PSTPIP2: variants seen among roughly 807,000 people sequenced by gnomAD.
The protein encoded by PSTPIP2 is proline-serine-threonine phosphatase interacting protein 2, also known as proline-serine-threonine phosphatase-interacting protein 2.
PSTPIP2 carries 33 observed loss-of-function variants against 63.3 expected under a neutral mutation model. The ratio of observed to expected loss-of-function variants is 0.52; its 90% CI spans 0.40 to 0.70. PSTPIP2 has a LOEUF of 0.70. Among genes scored for constraint, PSTPIP2 ranks in the 30% least tolerant of loss-of-function variants. The pLI, the probability that PSTPIP2 is intolerant of heterozygous loss-of-function variation, is 0.00. For missense variants in PSTPIP2, 312 were observed against 400.7 expected, an observed-to-expected ratio of 0.78 and a Z score of 1.89; for synonymous variants, 125 against 132.7, an observed-to-expected ratio of 0.94 and a Z score of 0.40.
intron 4 of PSTPIP2, among the ~76,000 whole-genome samples, chr18:46,013,026 G>T (rs538068436): frequency 6.6e-6 from 1 of 151,856 alleles, no homozygotes; most frequent in South Asian, 2.1e-4. Flanking sequence ...GAAAATTCCA[G>T]TGCTTACTAT....
At chr18:45,999,800 A>C (rs1412576668) in intron 6 of PSTPIP2, among the ~76,000 whole-genome samples, 1 of 152,202 alleles carries the variant, frequency 6.6e-6, no homozygotes, top group Non-Finnish European at 1.5e-5. Flanking sequence ...CATAAAGTAC[A>C]TGAGCTTTAA....
intron 3 of PSTPIP2, among the ~76,000 whole-genome samples, chr18:46,017,291 T>C (rs2051862342): frequency 6.6e-6 from 1 of 152,210 alleles, no homozygotes; most frequent in Non-Finnish European, 1.5e-5. Flanking sequence ...TGTTCCTTAG[T>C]GGGTAATCAC....
chr18:46,070,176 G>C (rs1441365164), intron 1 of PSTPIP2, among the ~76,000 whole-genome samples: 1 of 152,200 alleles, frequency 6.6e-6, no homozygotes, highest in African/African-American at 2.4e-5. Context: ...GCTTCATGCT[G>C]TTCGGTAAGC....
intron 1 of PSTPIP2, among the ~76,000 whole-genome samples, chr18:46,044,989 CTT>C (rs1408049454): frequency 6.6e-6 from 1 of 152,170 alleles, no homozygotes; most frequent in Non-Finnish European, 1.5e-5. Context: ...GAATGGCAAT[CTT>C]TAAAAAGTCA....
intron 2 of PSTPIP2, among the ~76,000 whole-genome samples, chr18:46,038,983 A>C (rs1167467898): frequency 2.6e-5 from 4 of 152,236 alleles, no homozygotes; most frequent in African/African-American, 7.2e-5. Context: ...CTAAAAATGC[A>C]AAGTGTGAGT....
chr18:45,996,824 C>A (rs868838916), intron 9 of PSTPIP2, among the ~76,000 whole-genome samples: 6 of 152,000 alleles, frequency 3.9e-5, no homozygotes, highest in African/African-American at 1.4e-4. Context: ...CGCCTGTAGT[C>A]CCATCTACTT....
chr18:46,032,181 T>G (rs1475914960), intron 2 of PSTPIP2, among the ~76,000 whole-genome samples: 1 of 152,214 alleles, frequency 6.6e-6, no homozygotes, highest in East Asian at 1.9e-4. Flanking sequence ...TACTAGGTGC[T>G]AAGAACACAG....
At chr18:45,994,748 C>G (rs1237311793) in intron 9 of PSTPIP2, among the ~76,000 whole-genome samples, 3 of 152,074 alleles carry the variant, frequency 2.0e-5, no homozygotes, top group Non-Finnish European at 4.4e-5. Flanking sequence ...ATATCTCTAC[C>G]AATTACCCTA....
chr18:45,990,432 G>T (rs1408455357), intron 13 of PSTPIP2, among the ~76,000 whole-genome samples: 2 of 146,542 alleles, frequency 1.4e-5, no homozygotes, highest in East Asian at 4.1e-4. Context: ...TTTTTTGTTT[G>T]TTTGTTTGTT....
intron 1 of PSTPIP2, among the ~76,000 whole-genome samples, chr18:46,050,112 C>T (rs1353341306): frequency 2.0e-5 from 3 of 152,188 alleles, no homozygotes; most frequent in African/African-American, 7.2e-5. Flanking sequence ...TCAAATTCTA[C>T]TGGCAGAAAT....
intron 2 of PSTPIP2, chr18:46,029,562 A>C: frequency 2.5e-6 from 2 of 791,892 alleles, no homozygotes; most frequent in East Asian, 4.9e-5. Flanking sequence ...TAAATAATCA[A>C]GATTCTTGTC....
intron 1 of PSTPIP2, among the ~76,000 whole-genome samples, chr18:46,055,413 T>C (rs1908720942): frequency 6.6e-6 from 1 of 152,166 alleles, no homozygotes; most frequent in Admixed American, 6.5e-5. Context: ...CTCACTGCAT[T>C]GGGCTCAAGT....
chr18:46,017,855 G>T (rs1368632932), intron 3 of PSTPIP2, among the ~76,000 whole-genome samples: 3 of 151,990 alleles, frequency 2.0e-5, no homozygotes, highest in East Asian at 3.8e-4. Context: ...TAGATCTCCT[G>T]AACTTATTCC....
chr18:45,997,971 G>T (rs2051620239), intron 8 of PSTPIP2, 143 bp from the exon 9 acceptor site: 2 of 689,994 alleles, frequency 2.9e-6, no homozygotes, highest in Admixed American at 4.2e-5. Flanking sequence ...TGAGCACTGG[G>T]AGTTATTGCA....
At chr18:45,985,930 C>T (rs2051462520) in intron 14 of PSTPIP2, among the ~76,000 whole-genome samples, 1 of 152,116 alleles carries the variant, frequency 6.6e-6, no homozygotes, top group Non-Finnish European at 1.5e-5. Context: ...GCACCCGCCA[C>T]TGTGCCTGGC....
chr18:46,040,170 C>G, intron 1 of PSTPIP2, 123 bp from the exon 2 acceptor site: 2 of 680,722 alleles, frequency 2.9e-6, no homozygotes, highest in East Asian at 6.0e-5. Flanking sequence ...TTTGAGATGG[C>G]GCAGGGACCC....
intron 3 of PSTPIP2, among the ~76,000 whole-genome samples, chr18:46,018,138 T>C (rs1419497757): frequency 6.6e-6 from 1 of 152,246 alleles, no homozygotes; most frequent in African/African-American, 2.4e-5. Flanking sequence ...AAACATACTA[T>C]ACATACTTGT....
At position 46,031,626 on chromosome 18, in the gene PSTPIP2, C is replaced by T. The variant is rs1443182063; in HGVS notation, c.135-6940G>A. On this transcript the variant is annotated intron_variant, in intron 2 of 14. Coordinates refer to ENST00000409746, the MANE Select transcript of PSTPIP2 (RefSeq NM_024430.4). ...CTACAATGAACATTTAATATTTTTACATGTAAAAAGATGTTCAGTCCATTT... is the reference window on the plus strand; with the variant it reads ...CTACAATGAACATTTAATATTTTTATATGTAAAAAGATGTTCAGTCCATTT... Among the ~76,000 whole-genome samples the T allele has an allele frequency of 2.0e-5, 3 of 152,066 alleles. No homozygotes were observed. In the East Asian group the frequency reaches 5.8e-4, roughly 29 times the overall value.
intron 14 of PSTPIP2, among the ~76,000 whole-genome samples, chr18:45,986,675 G>A (rs1345071657): frequency 6.6e-6 from 1 of 152,130 alleles, no homozygotes; most frequent in African/African-American, 2.4e-5. Flanking sequence ...GTAAAGACTA[G>A]CATCTATTTG....
Sources: gnomAD v4.1 joint callset for allele counts (sites outside exome capture counted in the v4.1 genomes callset) on GRCh38, gnomAD v4.1.1 for gene constraint, MANE v1.5 for transcripts, NCBI Gene and HGNC (gene_info 2026-07-23, HGNC 2026-07-21) for gene names.